NOX4: variants seen among roughly 807,000 people sequenced by gnomAD.
The protein encoded by NOX4 is NADPH oxidase 4.
In NOX4, 69 loss-of-function variants were observed where a neutral mutation model predicts 87.6. That is an observed-to-expected ratio of 0.79 (90% CI 0.65 to 0.96). The LOEUF (loss-of-function observed/expected upper bound fraction) is 0.96. Ranked by LOEUF, NOX4 falls within the 40% of genes least tolerant of loss-of-function variation. The pLI is 0.00. For synonymous variants in NOX4, 275 were observed against 238.2 expected (o/e 1.15, Z -1.42); for missense variants, 680 against 681.5 (o/e 1.00, Z 0.02).
the NOX4 span, among the ~76,000 whole-genome samples, chr11:89,574,244 C>T: frequency 1.1e-4 from 16 of 152,152 alleles, no homozygotes; most frequent in Non-Finnish European, 2.2e-4. Context: ...ACCTAGAGTA[C>T]GCTTGTCTGA....
chr11:89,506,249 A>G, the NOX4 span, among the ~76,000 whole-genome samples: 5 of 130,440 alleles, frequency 3.8e-5, no homozygotes, highest in East Asian at 2.2e-4. Flanking sequence ...GAGAGAGAGA[A>G]AGAAAAAAAG....
At chr11:89,329,524 C>T (rs1459735340) in intron 17 of NOX4, among the ~76,000 whole-genome samples, 3 of 148,330 alleles carry the variant, frequency 2.0e-5, no homozygotes, top group African/African-American at 7.4e-5. Context: ...GGAGAATAAA[C>T]ACAAAGGAAA....
intron 11 of NOX4, among the ~76,000 whole-genome samples, chr11:89,388,258 C>T (rs111556727): frequency 2.0e-5 from 3 of 152,302 alleles, no homozygotes; most frequent in African/African-American, 7.2e-5. Context: ...CTCTGCCCAA[C>T]TTCCAGGATC....
chr11:89,481,718 C>T lies in NOX4; in HGVS notation c.153+8740G>A, dbSNP rs79918743. Among the ~76,000 whole-genome samples the T allele has an allele frequency of 8.7e-4, 132 of 152,204 alleles. 4 individuals carry two copies. In the East Asian group the frequency reaches 0.021, roughly 24 times the overall value. On this transcript the variant is annotated intron_variant, in intron 2 of 17. Coordinates refer to ENST00000263317, the MANE Select transcript of NOX4 (RefSeq NM_016931.5). ...CACTGACCAGGAGTTAGAGGACCTA[C>T]ATTCCACATTCAGCTTTGCACTGAG...
Position 89,459,128 on chromosome 11 carries a change from A to C in NOX4, c.154-7233T>G, listed in dbSNP as rs1945337943. On this transcript the variant is annotated intron_variant, in intron 2 of 17. Transcript: ENST00000263317. ...ATACCATGGAATACTGCACAGCCATAAAAAGAAACAAGATCATGTCCTTTG... is the reference window on the plus strand; with the variant it reads ...ATACCATGGAATACTGCACAGCCATCAAAAGAAACAAGATCATGTCCTTTG... 2.0e-5 allele frequency among the ~76,000 whole-genome samples: 3 copies of C among 152,324 alleles called. No individual in the cohort carries two copies. In the South Asian group the frequency reaches 6.2e-4, roughly 32 times the overall value.
In NOX4 at chr11:89,371,935, C is replaced by T. The variant is rs1433885957; in HGVS notation, c.1135+1497G>A. On this transcript the variant is annotated intron_variant, in intron 12 of 17. Transcript: ENST00000263317. ...CAGATTTCCTTCCTTTTTTTTAAGTCTCCAATTCCAAGCTGGCTACCCTTT... is the reference window on the plus strand; with the variant it reads ...CAGATTTCCTTCCTTTTTTTTAAGTTTCCAATTCCAAGCTGGCTACCCTTT... Among the ~76,000 whole-genome samples, 4 of 151,660 alleles carry T rather than the reference C, an allele frequency of 2.6e-5. No homozygotes were observed. In the East Asian group the frequency reaches 7.7e-4, roughly 29 times the overall value.
chr11:89,562,532 G>T, the NOX4 span, among the ~76,000 whole-genome samples: 1 of 151,898 alleles, frequency 6.6e-6, no homozygotes, highest in Non-Finnish European at 1.5e-5. Flanking sequence ...ACTGCCTTCA[G>T]CCTAAAGTAC....
rs768451476 is a variant in NOX4, at chr11:89,399,991, G to A, written c.1074+26C>T. The A allele has an allele frequency of 1.9e-6, 3 of 1,573,370 alleles. No homozygotes were observed. In the African/African-American group the frequency reaches 4.1e-5, roughly 21 times the overall value. On this transcript the variant is annotated intron_variant, in intron 11 of 17. Transcript: ENST00000263317. ...AATATGCATAGCACCCTACAAATGT[G>A]AAAAAGCAAGAGATATGTTTCTTAC...
chr11:89,426,058 C>T (rs1437783087), intron 7 of NOX4, among the ~76,000 whole-genome samples: 1 of 152,054 alleles, frequency 6.6e-6, no homozygotes, highest in Non-Finnish European at 1.5e-5. Context: ...TGAAAGTGCT[C>T]CTGATAATGT....
chr11:89,480,947 A>G (rs1339604002), intron 2 of NOX4, among the ~76,000 whole-genome samples: 1 of 152,110 alleles, frequency 6.6e-6, no homozygotes, highest in Non-Finnish European at 1.5e-5. Flanking sequence ...TCCACCCAAG[A>G]ATCATAGCCA....
chr11:89,550,195 T>C, the NOX4 span, among the ~76,000 whole-genome samples: 1 of 151,572 alleles, frequency 6.6e-6, no homozygotes, highest in African/African-American at 2.4e-5. Flanking sequence ...GCTAGTCTTT[T>C]TTTTTTTTGA....
the NOX4 span, among the ~76,000 whole-genome samples, chr11:89,536,355 C>T: frequency 6.6e-6 from 1 of 151,864 alleles, no homozygotes; most frequent in Admixed American, 6.6e-5. Context: ...ACCATGTTAG[C>T]CAGGATGGTC....
the NOX4 span, chr11:89,576,814 G>C: frequency 6.6e-6 from 1 of 151,856 alleles, no homozygotes; most frequent in African/African-American, 2.4e-5. Flanking sequence ...TGAACATTTG[G>C]TTATGTAATG....
chr11:89,530,509 C>CTTTTTTTTTTT, the NOX4 span, among the ~76,000 whole-genome samples: 1 of 135,446 alleles, frequency 7.4e-6, no homozygotes, highest in Non-Finnish European at 1.6e-5. Flanking sequence ...CATCTGTCTA[C>CTTTTTTTTTTT]TTTTTTTTTT....
chr11:89,363,523 T>C (rs1938695873), intron 12 of NOX4, among the ~76,000 whole-genome samples: 1 of 152,112 alleles, frequency 6.6e-6, no homozygotes, highest in African/African-American at 2.4e-5. Context: ...AATGCCATTA[T>C]AGCTACTTGA....
At chr11:89,449,081 T>C (rs930738076) in intron 4 of NOX4, among the ~76,000 whole-genome samples, 1 of 152,166 alleles carries the variant, frequency 6.6e-6, no homozygotes, top group Non-Finnish European at 1.5e-5. Flanking sequence ...ATCCATTTTC[T>C]GTAATTCCCT....
At chr11:89,544,990 T>G in the NOX4 span, 1 of 152,148 alleles carries the variant, frequency 6.6e-6, no homozygotes, top group African/African-American at 2.4e-5. Flanking sequence ...CAGTCTCCTT[T>G]GAGTAACAGG....
intron 12 of NOX4, among the ~76,000 whole-genome samples, chr11:89,368,717 C>T (rs1939206494): frequency 6.6e-6 from 1 of 152,044 alleles, no homozygotes; most frequent in Non-Finnish European, 1.5e-5. Flanking sequence ...ACAGGGGACA[C>T]ATTCACACCA....
rs75598327 is a variant in NOX4, at chr11:89,405,797, T to C, written c.630-3255A>G. Reference sequence around the variant, plus strand: ...CATGGTAAAGATTAGTGGCCTTAGATTGGGAGTACTTAAGTATCTCCCAAC... The same window carrying C: ...CATGGTAAAGATTAGTGGCCTTAGACTGGGAGTACTTAAGTATCTCCCAAC... On this transcript the variant is annotated intron_variant, in intron 8 of 17. Transcript: ENST00000263317. 6.2e-3 allele frequency among the ~76,000 whole-genome samples: 938 copies of C among 150,800 alleles called. 14 individuals carry two copies. Among genetic ancestry groups the C allele is most frequent in the African/African-American group, 0.022 (886 of 41,048 alleles).
Sources: gnomAD v4.1 joint callset for allele counts (sites outside exome capture counted in the v4.1 genomes callset) on GRCh38, gnomAD v4.1.1 for gene constraint, MANE v1.5 for transcripts, NCBI Gene and HGNC (gene_info 2026-07-23, HGNC 2026-07-21) for gene names.